TMC5: variants seen among roughly 807,000 people sequenced by gnomAD.
TMC5 encodes transmembrane channel-like protein 5.
Under a neutral mutation model 110.5 loss-of-function variants are expected in TMC5, and 86 were observed. The observed-to-expected ratio is 0.78, with a 90% CI of 0.65 to 0.93. The LOEUF (loss-of-function observed/expected upper bound fraction) is 0.93. TMC5 is among the 40% of genes least tolerant of loss of function. The pLI is 0.00. For missense variants in TMC5, 1,144 were observed against 1,222.8 expected (o/e 0.94, Z 0.96); for synonymous variants, 455 against 439.5 (o/e 1.04, Z -0.44).
chr16:19,474,244 G>T lies in TMC5; in HGVS notation c.2058G>T (p.Met686Ile). ...TCAGGCTTGTGGAGAGGTACGAGAT[G>T]CCACGGCACGAAGTCTACGTTCTCC... is the stretch of plus-strand genomic sequence containing the variant. ...SMFRLVERYE[M>I]PRHEVYVLLI... Residue 686 changes from methionine to isoleucine, a missense_variant, in exon 12 of 22, where the codon ATG becomes ATT. Transcript: ENST00000542583. The T allele has an allele frequency of 6.2e-7, 1 of 1,614,104 alleles. No individual in the cohort carries two copies.
intron 5 of TMC5, among the ~76,000 whole-genome samples, chr16:19,453,053 C>T (rs1450776961): frequency 6.7e-6 from 1 of 150,078 alleles, no homozygotes; most frequent in Non-Finnish European, 1.5e-5. Flanking sequence ...GAAGAGGAGT[C>T]CCCAAAAGGC....
chr16:19,433,464 C>T (rs72783401), intron 2 of TMC5, among the ~76,000 whole-genome samples: 7,395 of 152,262 alleles, frequency 0.049, 380 homozygotes, highest in African/African-American at 0.12. Flanking sequence ...AGAGTCTCTC[C>T]CCAACTCCAC....
chr16:19,497,036 C>A, intron 20 of TMC5, 85 bp from the exon 21 acceptor site: 1 of 1,360,332 alleles, frequency 7.4e-7, no homozygotes, highest in African/African-American at 1.4e-5. Flanking sequence ...TGGTGAGGGG[C>A]TCACAAATTG....
Position 19,487,245 on chromosome 16 carries a change from A to G in TMC5, c.2492A>G (p.Gln831Arg). 1.2e-6 allele frequency: 2 copies of G among 1,614,170 alleles called. No homozygotes were observed. The highest frequency in any genetic ancestry group is 1.7e-6 in the Non-Finnish European group (2 of 1,180,016). ...QPPSKAWRAS[Q>R]MMTFFIFLLF... Reference sequence around the variant, plus strand: ...CCGAGCAAAGCCTGGCGGGCCTCACAGATGATGACTTTCTTCATCTTCTTG... The same window carrying G: ...CCGAGCAAAGCCTGGCGGGCCTCACGGATGATGACTTTCTTCATCTTCTTG... Residue 831 changes from glutamine to arginine, a missense_variant, in exon 17 of 22, where the codon CAG becomes CGG. By Grantham distance (43) the Gln-to-Arg change is conservative (BLOSUM62 1). Coordinates refer to ENST00000542583, the MANE Select transcript of TMC5 (RefSeq NM_001261841.2).
chr16:19,476,480 A>C (rs1462578123), intron 12 of TMC5, among the ~76,000 whole-genome samples: 1 of 152,164 alleles, frequency 6.6e-6, no homozygotes, highest in Non-Finnish European at 1.5e-5. Flanking sequence ...TAGAAGGGGA[A>C]ATGTTAGGTC....
chr16:19,447,702 T>G (rs904784784), intron 4 of TMC5, among the ~76,000 whole-genome samples: 4 of 151,902 alleles, frequency 2.6e-5, no homozygotes, highest in African/African-American at 9.7e-5. Flanking sequence ...ACAGGCACAC[T>G]ACTACCATGC....
intron 13 of TMC5, among the ~76,000 whole-genome samples, chr16:19,479,227 G>A (rs1010874537): frequency 2.0e-5 from 3 of 152,176 alleles, no homozygotes; most frequent in Admixed American, 6.5e-5. Flanking sequence ...ATGGGGGAAA[G>A]AAGGAAACCC....
intron 1 of TMC5, among the ~76,000 whole-genome samples, chr16:19,419,761 T>A (rs1329058384): frequency 6.6e-6 from 1 of 152,136 alleles, no homozygotes; most frequent in Non-Finnish European, 1.5e-5. Context: ...GAAAAGGTCC[T>A]GTCCCCAGAA....
At chr16:19,493,466 T>TGTCTCTCTCTCTTTC (rs563230178) in intron 19 of TMC5, among the ~76,000 whole-genome samples, 1 of 124,496 alleles carries the variant, frequency 8.0e-6, no homozygotes. Flanking sequence ...TCTCTCTCTC[T>TGTCTCTCTCTCTTTC]TTTTTTTTTT....
rs571200475 is a variant in TMC5, at chr16:19,440,819, A to G, written c.781A>G (p.Thr261Ala). The G allele has an allele frequency of 1.2e-5, 20 of 1,612,188 alleles. No homozygotes were observed. The South Asian group carries it at 2.1e-4, about 17-fold the overall frequency. The stretch of plus-strand genomic sequence containing the variant: ...TGGCTCTTCTGAGACCCCAAAGATG[A>G]CCAGGGGGTAAGTTCAGATATATAT... ...DYGSSETPKM[T>A]RGVLSRTSSI... Residue 261 changes from threonine (T) to alanine (A), a missense_variant, in exon 3 of 22, where the codon ACC becomes GCC. Coordinates refer to ENST00000542583, the MANE Select transcript of TMC5 (RefSeq NM_001261841.2).
chr16:19,490,539 C>T lies in TMC5; in HGVS notation c.2718C>T (p.His906=), dbSNP rs752344684. 2 of 1,614,102 alleles carry T rather than the reference C, an allele frequency of 1.2e-6. No homozygotes were observed. Among genetic ancestry groups the T allele is most frequent in the Non-Finnish European group, 8.5e-7 (1 of 1,180,014 alleles). ...WIYRNLIGSV[H]FFFILTLIVL... The stretch of plus-strand genomic sequence containing the variant: ...ATCGGAACCTCATTGGAAGTGTGCA[C>T]TTCTTTTTCATCCTCACCCTCATTG... Residue 906 remains histidine (H), a synonymous_variant, in exon 18 of 22, where the codon CAC becomes CAT. Coordinates refer to ENST00000542583, the MANE Select transcript of TMC5 (RefSeq NM_001261841.2).
chr16:19,439,309 G>GA (rs1448044833), intron 2 of TMC5, among the ~76,000 whole-genome samples: 2 of 152,148 alleles, frequency 1.3e-5, no homozygotes, highest in Non-Finnish European at 2.9e-5. Flanking sequence ...TAGTCCTCTA[G>GA]TTTCCATTAA....
rs1967560827 is a variant in TMC5, at chr16:19,444,210, A to C, written c.918A>C (p.Ser306=). The change falls in exon 4 of 22, where the codon TCA becomes TCC. Residue 306 remains serine, a synonymous_variant. Transcript: ENST00000542583. ...TGGCATCCATGGAGATGGCAAACTCATATGGCCACTCTCTGCCAGGTGCTC... is the reference window on the plus strand; with the variant it reads ...TGGCATCCATGGAGATGGCAAACTCCTATGGCCACTCTCTGCCAGGTGCTC... ...IEMASMEMAN[S]YGHSLPGAPG... 3 of 1,613,984 alleles carry C rather than the reference A, an allele frequency of 1.9e-6. No homozygotes were observed. Among genetic ancestry groups the C allele is most frequent in the Non-Finnish European group, 2.5e-6 (3 of 1,180,004 alleles).
intron 8 of TMC5, among the ~76,000 whole-genome samples, chr16:19,464,966 G>A (rs12598580): frequency 0.51 from 76,064 of 149,214 alleles, 22,773 homozygotes; most frequent in Non-Finnish European, 0.67. Flanking sequence ...TGTACTATAA[G>A]CCCTTCTTTC....
intron 10 of TMC5, among the ~76,000 whole-genome samples, chr16:19,471,599 A>T (rs1968343480): frequency 6.6e-6 from 1 of 152,202 alleles, no homozygotes; most frequent in African/African-American, 2.4e-5. Flanking sequence ...TGGGTCTCCC[A>T]TAATCCATGT....
At chr16:19,455,114 A>G (rs1461413730) in intron 5 of TMC5, among the ~76,000 whole-genome samples, 1 of 152,074 alleles carries the variant, frequency 6.6e-6, no homozygotes, top group Admixed American at 6.6e-5. Context: ...CAGCCTGGGA[A>G]ACAGAGCAAG....
Position 19,448,964 on chromosome 16 carries a change from C to T in TMC5, c.959-578C>T, listed in dbSNP as rs1967685889. Reference sequence around the variant, plus strand: ...GCAAGCTCCACCTCCTGGGTTCATGCCATTCTGCCCCAGCCTCCCGAGTAG... The same window carrying T: ...GCAAGCTCCACCTCCTGGGTTCATGTCATTCTGCCCCAGCCTCCCGAGTAG... On this transcript the variant is annotated intron_variant, in intron 4 of 21. Coordinates refer to ENST00000542583, the MANE Select transcript of TMC5 (RefSeq NM_001261841.2). Among the ~76,000 whole-genome samples the T allele has an allele frequency of 5.3e-5, 8 of 149,662 alleles. No individual in the cohort carries two copies. In the South Asian group the frequency reaches 1.5e-3, roughly 28 times the overall value.
chr16:19,420,627 A>G (rs1401356865), intron 1 of TMC5, among the ~76,000 whole-genome samples: 1 of 151,978 alleles, frequency 6.6e-6, no homozygotes, highest in Non-Finnish European at 1.5e-5. Flanking sequence ...GTGCTCAGCT[A>G]ATTTTTAAAA....
chr16:19,474,687 G>C (rs145974433), intron 12 of TMC5: 42 of 178,642 alleles, frequency 2.4e-4, no homozygotes, highest in African/African-American at 8.6e-4. Context: ...CAACAAAAGA[G>C]TGAAGTGTGT....
Sources: allele counts gnomAD v4.1 joint callset (sites outside exome capture counted in the v4.1 genomes callset), GRCh38; gene constraint gnomAD v4.1.1; transcripts MANE v1.5; gene names NCBI Gene and HGNC (gene_info 2026-07-23, HGNC 2026-07-21).